Variants in TMEM196 observed in about 807,000 individuals in gnomAD.
TMEM196 encodes the protein transmembrane protein 196.
TMEM196 carries 17 observed loss-of-function variants against 20.0 expected under a neutral mutation model. That is an observed-to-expected ratio of 0.85 (90% CI 0.58 to 1.27). The LOEUF (loss-of-function observed/expected upper bound fraction) is 1.27, where lower values mean the gene tolerates loss of function less well. Ranked by LOEUF, TMEM196 falls within the 50% of genes most tolerant of loss-of-function variation. The pLI is 0.00. For missense variants in TMEM196, 267 were observed against 223.0 expected, an observed-to-expected ratio of 1.20 and a Z score of -1.26; for synonymous variants, 113 against 88.9, an observed-to-expected ratio of 1.27 and a Z score of -1.52.
intron 1 of TMEM196, among the ~76,000 whole-genome samples, chr7:19,758,929 TA>T (rs1199966810): frequency 3.9e-5 from 6 of 152,116 alleles, no homozygotes; most frequent in Non-Finnish European, 7.4e-5. Context: ...TGAGAATTAA[TA>T]AAAAAAACTC....
chr7:19,719,699 C>A lies in TMEM196; in HGVS notation c.*2429G>T. 1 of 152,226 alleles carries A rather than the reference C, an allele frequency of 6.6e-6. No homozygotes were observed. Among genetic ancestry groups the A allele is most frequent in the African/African-American group, 2.4e-5 (1 of 41,568 alleles). 9.4% of individuals were successfully genotyped at this position (152,226 alleles called of 1,614,324 possible). ...CACTTGAACAATGTCTTCCTAACATCCCCCACTTATCTAAAAAAGAATCGC... is the reference window on the plus strand; with the variant it reads ...CACTTGAACAATGTCTTCCTAACATACCCCACTTATCTAAAAAAGAATCGC... On this transcript the variant is annotated 3_prime_UTR_variant, in exon 5 of 5. Coordinates refer to ENST00000405844, the MANE Select transcript of TMEM196 (RefSeq NM_001363562.2).
chr7:19,750,115 C>T (rs1049317404), intron 1 of TMEM196, among the ~76,000 whole-genome samples: 1 of 152,166 alleles, frequency 6.6e-6, no homozygotes, highest in South Asian at 2.1e-4. Flanking sequence ...AAAACATGCC[C>T]TAGCTTCTCA....
chr7:19,750,301 A>G (rs548263691), intron 1 of TMEM196, among the ~76,000 whole-genome samples: 23 of 152,348 alleles, frequency 1.5e-4, no homozygotes, highest in South Asian at 6.2e-4. Flanking sequence ...TTATACCACA[A>G]TGTAAGCATA....
intron 1 of TMEM196, among the ~76,000 whole-genome samples, chr7:19,735,629 A>C (rs946877593): frequency 6.6e-6 from 1 of 152,178 alleles, no homozygotes; most frequent in Non-Finnish European, 1.5e-5. Flanking sequence ...AAAATTTTGG[A>C]ACCATGATTA....
intron 1 of TMEM196, among the ~76,000 whole-genome samples, chr7:19,756,102 A>G (rs1785200940): frequency 6.6e-6 from 1 of 151,568 alleles, no homozygotes; most frequent in African/African-American, 2.4e-5. Context: ...AAAAAAATGT[A>G]TTCAGACAAA....
At chr7:19,730,899 G>A (rs1490326112) in intron 1 of TMEM196, among the ~76,000 whole-genome samples, 1 of 152,112 alleles carries the variant, frequency 6.6e-6, no homozygotes, top group Non-Finnish European at 1.5e-5. Flanking sequence ...TTAATGGAAA[G>A]GAAAGGATTA....
chr7:19,764,288 C>T (rs1248579590), intron 1 of TMEM196, among the ~76,000 whole-genome samples: 2 of 152,204 alleles, frequency 1.3e-5, no homozygotes, highest in Admixed American at 6.5e-5. Flanking sequence ...TCATGATTGT[C>T]AAGTTCTGCC....
At chr7:19,728,745 G>A (rs143453656) in intron 2 of TMEM196, among the ~76,000 whole-genome samples, 7 of 152,234 alleles carry the variant, frequency 4.6e-5, no homozygotes, top group African/African-American at 1.2e-4. Context: ...CATGAAAGGC[G>A]ATGGGGAATC....
chr7:19,761,709 C>T (rs1328140288), intron 1 of TMEM196, among the ~76,000 whole-genome samples: 1 of 152,056 alleles, frequency 6.6e-6, no homozygotes, highest in Non-Finnish European at 1.5e-5. Context: ...TTTTCAGAGA[C>T]TAAAGTAACT....
chr7:19,754,153 A>AT (rs1328438482), intron 1 of TMEM196, among the ~76,000 whole-genome samples: 3 of 152,188 alleles, frequency 2.0e-5, no homozygotes, highest in South Asian at 4.1e-4. Flanking sequence ...AAAGTTACTT[A>AT]TTTTTCCACA....
chr7:19,755,134 G>A (rs1785152533), intron 1 of TMEM196, among the ~76,000 whole-genome samples: 1 of 152,138 alleles, frequency 6.6e-6, no homozygotes, highest in African/African-American at 2.4e-5. Flanking sequence ...TCAGGATTCA[G>A]TGCAATTATT....
chr7:19,728,012 C>CTAA (rs1225965064), intron 2 of TMEM196, among the ~76,000 whole-genome samples: 4 of 151,900 alleles, frequency 2.6e-5, no homozygotes, highest in African/African-American at 4.8e-5. Context: ...AATGTACCTT[C>CTAA]TAATAGTAGG....
chr7:19,740,699 T>C (rs976282530), intron 1 of TMEM196, among the ~76,000 whole-genome samples: 24 of 151,994 alleles, frequency 1.6e-4, no homozygotes, highest in African/African-American at 5.6e-4. Flanking sequence ...TCTGCTAGCG[T>C]TTTTTCAACC....
In TMEM196 at chr7:19,758,804, G is replaced by A. The variant is rs148539697; in HGVS notation, c.147+13746C>T. ...AAAAAGCAGAAGCTGTCCAAGACTC[G>A]TATCTGCATTGGCCATTTAATGTGC... On this transcript the variant is annotated intron_variant, in intron 1 of 4. Transcript: ENST00000405844. 1.3e-3 allele frequency among the ~76,000 whole-genome samples: 194 copies of A among 152,208 alleles called. 5 individuals are homozygous for A. The East Asian group carries it at 0.025, about 20-fold the overall frequency.
intron 1 of TMEM196, among the ~76,000 whole-genome samples, chr7:19,750,719 C>G (rs189238040): frequency 2.6e-5 from 4 of 152,214 alleles, no homozygotes; most frequent in African/African-American, 9.6e-5. Flanking sequence ...ATAGGCAGTT[C>G]TATCCTTTTA....
intron 1 of TMEM196, among the ~76,000 whole-genome samples, chr7:19,756,248 G>C (rs923382527): frequency 2.0e-5 from 3 of 151,430 alleles, no homozygotes; most frequent in Non-Finnish European, 2.9e-5. Flanking sequence ...AAAAAGTATT[G>C]TCATTTTTCC....
At chr7:19,738,850 T>C (rs1411596812) in intron 1 of TMEM196, among the ~76,000 whole-genome samples, 1 of 152,132 alleles carries the variant, frequency 6.6e-6, no homozygotes, top group Non-Finnish European at 1.5e-5. Flanking sequence ...TATGTAGATA[T>C]TTTGCTCTCA....
chr7:19,722,882 A>T (rs1013330890), intron 4 of TMEM196, among the ~76,000 whole-genome samples: 1 of 152,108 alleles, frequency 6.6e-6, no homozygotes, highest in African/African-American at 2.4e-5. Flanking sequence ...ACCCTTCCCA[A>T]CACAATAAAA....
At chr7:19,766,673 G>A (rs531550961) in intron 1 of TMEM196, among the ~76,000 whole-genome samples, 1 of 151,464 alleles carries the variant, frequency 6.6e-6, no homozygotes, top group Non-Finnish European at 1.5e-5. Flanking sequence ...AACTGTTGCA[G>A]TTTCTCTCAC....
Sources: allele counts gnomAD v4.1 joint callset (sites outside exome capture counted in the v4.1 genomes callset), GRCh38; gene constraint gnomAD v4.1.1; transcripts MANE v1.5; gene names NCBI Gene and HGNC (gene_info 2026-07-23, HGNC 2026-07-21).